LPP: variants seen among roughly 807,000 people sequenced by gnomAD.
LPP encodes the protein lipoma-preferred partner.
LPP carries 38 observed loss-of-function variants against 60.4 expected under a neutral mutation model. The ratio of observed to expected loss-of-function variants is 0.63; its 90% CI spans 0.49 to 0.83. The LOEUF (loss-of-function observed/expected upper bound fraction) is 0.83, where lower values mean the gene tolerates loss of function less well. Ranked by LOEUF, LPP falls within the 40% of genes least tolerant of loss-of-function variation. The probability of loss-of-function intolerance (pLI) is 0.00; values close to 1 mark genes in which losing one functional copy is unlikely to be tolerated. For missense variants in LPP, 902 were observed against 783.6 expected, an observed-to-expected ratio of 1.15 and a Z score of -1.80; for synonymous variants, 328 against 290.8, an observed-to-expected ratio of 1.13 and a Z score of -1.30.
chr3:188,244,406 G>A (rs1323970348), intron 2 of LPP, among the ~76,000 whole-genome samples: 2 of 152,192 alleles, frequency 1.3e-5, no homozygotes, highest in Non-Finnish European at 2.9e-5. Context: ...CACCAGTCTA[G>A]TGGTCCAACT....
intron 2 of LPP, among the ~76,000 whole-genome samples, chr3:188,337,250 C>T (rs181844514): frequency 1.1e-3 from 166 of 152,354 alleles, no homozygotes; most frequent in Admixed American, 1.4e-3. Flanking sequence ...CCAGCCAAAG[C>T]TCCATTTCCA....
At chr3:188,532,573 C>T (rs1054815027) in intron 6 of LPP, among the ~76,000 whole-genome samples, 1 of 152,174 alleles carries the variant, frequency 6.6e-6, no homozygotes, top group East Asian at 1.9e-4. Flanking sequence ...TTGATAGCCT[C>T]GTCTCCAAGT....
At chr3:188,563,026 A>G (rs1831107994) in intron 6 of LPP, among the ~76,000 whole-genome samples, 1 of 151,872 alleles carries the variant, frequency 6.6e-6, no homozygotes. Flanking sequence ...CAAGTCTAGG[A>G]GGTTGCCTGG....
chr3:188,706,169 T>G (rs568483038), intron 7 of LPP, among the ~76,000 whole-genome samples: 1 of 152,330 alleles, frequency 6.6e-6, no homozygotes, highest in South Asian at 2.1e-4. Flanking sequence ...AGTTTAACCT[T>G]TAATGTTTGC....
intron 3 of LPP, among the ~76,000 whole-genome samples, chr3:188,375,582 T>A (rs1407870689): frequency 5.9e-5 from 9 of 152,186 alleles, no homozygotes; most frequent in Admixed American, 5.9e-4. Context: ...ATTGCGTCTA[T>A]TTGATTCTTC....
chr3:188,685,880 AT>A (rs1347693837), intron 7 of LPP, among the ~76,000 whole-genome samples: 1 of 152,058 alleles, frequency 6.6e-6, no homozygotes, highest in Non-Finnish European at 1.5e-5. Flanking sequence ...TGACTTATTT[AT>A]TATTTATCCC....
chr3:188,573,536 T>A (rs1004203240), intron 6 of LPP, among the ~76,000 whole-genome samples: 1 of 152,144 alleles, frequency 6.6e-6, no homozygotes, highest in African/African-American at 2.4e-5. Flanking sequence ...AGCGTTTCGG[T>A]AGATACTTCC....
intron 4 of LPP, among the ~76,000 whole-genome samples, chr3:188,422,826 C>T (rs1162942529): frequency 6.6e-6 from 1 of 151,794 alleles, no homozygotes; most frequent in Non-Finnish European, 1.5e-5. Context: ...GTGTTCTAAC[C>T]TATATGCGTT....
At chr3:188,184,163 G>A (rs1252338368) in intron 1 of LPP, among the ~76,000 whole-genome samples, 2 of 152,168 alleles carry the variant, frequency 1.3e-5, no homozygotes, top group African/African-American at 2.4e-5. Flanking sequence ...CTGTCATAGA[G>A]CAATAAAATG....
At chr3:188,513,316 A>C (rs1816364094) in intron 5 of LPP, among the ~76,000 whole-genome samples, 1 of 152,246 alleles carries the variant, frequency 6.6e-6, no homozygotes, top group African/African-American at 2.4e-5. Context: ...AATCTGTAGC[A>C]GTGGTTTTTA....
At chr3:188,230,296 G>C (rs1348760831) in intron 2 of LPP, among the ~76,000 whole-genome samples, 1 of 152,090 alleles carries the variant, frequency 6.6e-6, no homozygotes, top group East Asian at 1.9e-4. Flanking sequence ...ACATTGGCCA[G>C]AATGGTCTTG....
intron 3 of LPP, among the ~76,000 whole-genome samples, chr3:188,364,722 G>A (rs539480328): frequency 6.6e-6 from 1 of 152,250 alleles, no homozygotes; most frequent in African/African-American, 2.4e-5. Context: ...GTGAAGTTTT[G>A]GAGCTGCACA....
intron 9 of LPP, among the ~76,000 whole-genome samples, chr3:188,803,097 T>G (rs958888027): frequency 5.4e-5 from 8 of 147,512 alleles, no homozygotes; most frequent in Non-Finnish European, 8.9e-5. Flanking sequence ...CAGGCTAGAG[T>G]GTAGTGGCAC....
At chr3:188,633,171 A>G (rs568304176) in intron 7 of LPP, among the ~76,000 whole-genome samples, 1 of 152,294 alleles carries the variant, frequency 6.6e-6, no homozygotes, top group Admixed American at 6.5e-5. Context: ...ATACTGGGCT[A>G]TGAGTACTTG....
intron 9 of LPP, among the ~76,000 whole-genome samples, chr3:188,814,839 A>G (rs183315132): frequency 1.3e-3 from 196 of 152,374 alleles, no homozygotes; most frequent in African/African-American, 4.2e-3. Flanking sequence ...TTAAAAGTCA[A>G]TATGGCAAAG....
At chr3:188,666,716 C>A (rs1392737536) in intron 7 of LPP, among the ~76,000 whole-genome samples, 1 of 152,208 alleles carries the variant, frequency 6.6e-6, no homozygotes, top group Non-Finnish European at 1.5e-5. Flanking sequence ...AATCACTTGT[C>A]CACACACTGG....
rs767628040 is a variant in LPP at position 188,609,466 on chromosome 3, C to G, written c.735C>G (p.Gly245=). 8.7e-6 allele frequency: 14 copies of G among 1,614,086 alleles called. No homozygotes were observed. The highest frequency in any genetic ancestry group is 1.2e-5 in the Non-Finnish European group (14 of 1,180,032). ...MAAPSSGQIY[G]SGPQGYNTQP... ...CCCCTTCATCAGGACAAATTTATGG[C>G]TCAGGGCCCCAGGGCTATAACACTC... Residue 245 remains glycine, a synonymous_variant, in exon 7 of 12, where the codon GGC becomes GGG. Transcript: ENST00000617246. The surrounding 1 kb of genome is among the most constrained non-coding windows in gnomAD (Gnocchi z 6.9).
chr3:188,273,201 G>A (rs1738410517), intron 2 of LPP, among the ~76,000 whole-genome samples: 1 of 152,248 alleles, frequency 6.6e-6, no homozygotes, highest in Admixed American at 6.5e-5. Flanking sequence ...CATGAATCAT[G>A]TGAACCATAG....
intron 8 of LPP, among the ~76,000 whole-genome samples, chr3:188,715,609 A>G (rs931623716): frequency 6.6e-6 from 1 of 152,192 alleles, no homozygotes; most frequent in Non-Finnish European, 1.5e-5. Flanking sequence ...AGCTAAAGGA[A>G]AGCAAAGTTG....
Sources: allele counts gnomAD v4.1 joint callset (sites outside exome capture counted in the v4.1 genomes callset), GRCh38; gene constraint gnomAD v4.1.1; non-coding constraint Gnocchi (gnomAD v3.1); transcripts MANE v1.5; gene names NCBI Gene and HGNC (gene_info 2026-07-23, HGNC 2026-07-21).